The following CEP55 variants were observed in gnomAD, a reference collection of about 807,000 sequenced individuals.
CEP55 encodes the protein centrosomal protein of 55 kDa.
Under a neutral mutation model 63.2 loss-of-function variants are expected in CEP55, and 57 were observed. The ratio of observed to expected loss-of-function variants is 0.90; its 90% CI spans 0.73 to 1.13. The LOEUF is 1.13. CEP55 is among the 50% of genes most tolerant of loss of function. The pLI is 0.00. For missense variants in CEP55, 456 were observed against 518.9 expected (o/e 0.88, Z 1.18); for synonymous variants, 178 against 191.6 (o/e 0.93, Z 0.59).
At position 93,527,943 on chromosome 10, in the gene CEP55, T is replaced by G; in HGVS notation, c.1192-7T>G. 2 of 1,609,408 alleles carry G rather than the reference T, an allele frequency of 1.2e-6. No individual in the cohort carries two copies. Among genetic ancestry groups the G allele is most frequent in the South Asian group, 2.2e-5 (2 of 90,082 alleles). On this transcript the variant is annotated splice_region_variant and splice_polypyrimidine_tract_variant and intron_variant, in intron 8 of 8. Transcript: ENST00000371485. ...ACAAATTCTATTATTTGAAACTTAT[T>G]TTTCAGAAACAGCTTCATGAGTTTG...
chr10:93,528,433 G>A lies in CEP55; in HGVS notation c.*280G>A, dbSNP rs1463150092. On this transcript the variant is annotated 3_prime_UTR_variant, in exon 9 of 9. Coordinates refer to ENST00000371485, the MANE Select transcript of CEP55 (RefSeq NM_018131.5). ...TTGCACTGTCAAAATACTTGGTGAG[G>A]AAAAGATAGCTCAGGTTATTGCTAA... is the stretch of plus-strand genomic sequence containing the variant. 3 of 382,648 alleles carry A rather than the reference G, an allele frequency of 7.8e-6. No individual in the cohort carries two copies. The highest frequency in any genetic ancestry group is 1.4e-5 in the Non-Finnish European group (3 of 212,044). 23.7% of individuals were successfully genotyped at this position (382,648 alleles called of 1,614,324 possible). A position where few individuals can be genotyped will look rare whatever the true frequency, so the allele number is the denominator to read the frequency against.
chr10:93,524,195 A>G (rs2057895114), intron 8 of CEP55, among the ~76,000 whole-genome samples: 1 of 151,004 alleles, frequency 6.6e-6, no homozygotes, highest in African/African-American at 2.5e-5. Context: ...ACCGCTAGCA[A>G]GACTAATAAA....
intron 4 of CEP55, among the ~76,000 whole-genome samples, chr10:93,514,740 ACT>A (rs1242548950): frequency 3.9e-5 from 6 of 152,084 alleles, no homozygotes; most frequent in African/African-American, 1.4e-4. Flanking sequence ...TCAGCTAATC[ACT>A]CACCATGCAG....
chr10:93,528,552 T>C lies in CEP55; in HGVS notation c.*399T>C, dbSNP rs2057948444. On this transcript the variant is annotated 3_prime_UTR_variant, in exon 9 of 9. Transcript: ENST00000371485. The stretch of plus-strand genomic sequence containing the variant: ...CAAGGATCTTAACTGTGTTCGCATT[T>C]TTTATCCAAGCACTTAGAAAACCTA... 1 of 169,566 alleles carries C rather than the reference T, an allele frequency of 5.9e-6. No individual in the cohort carries two copies. The highest frequency in any genetic ancestry group is 1.3e-5 in the Non-Finnish European group (1 of 79,412). The allele number at this position is 169,566 out of a possible 1,614,324, so 10.5% of individuals were successfully genotyped here.
chr10:93,501,053 C>T (rs1368925777), intron 2 of CEP55, among the ~76,000 whole-genome samples: 1 of 152,092 alleles, frequency 6.6e-6, no homozygotes, highest in Non-Finnish European at 1.5e-5. Context: ...ATCTGGTTTT[C>T]CTGTTAATTT....
In CEP55 at chr10:93,528,698, T is replaced by C. The variant is rs2057950072; in HGVS notation, c.*545T>C. 6.5e-6 allele frequency: 1 copy of C among 153,776 alleles called. No homozygotes were observed. The highest frequency in any genetic ancestry group is 1.4e-5 in the Non-Finnish European group (1 of 69,262). The allele number at this position is 153,776 out of a possible 1,614,324, so 9.5% of individuals were successfully genotyped here. On this transcript the variant is annotated 3_prime_UTR_variant, in exon 9 of 9. Transcript: ENST00000371485. ...CTTGATCTTTATTGCTGCTTACCAT[T>C]GAAACTTAACCCAGCTGTGTTCCCC...
chr10:93,520,101 G>T (rs2057843624), intron 8 of CEP55: 1 of 395,816 alleles, frequency 2.5e-6, no homozygotes, highest in South Asian at 2.5e-5. Context: ...GGTAGTCACA[G>T]AATCCTGAAC....
intron 8 of CEP55, among the ~76,000 whole-genome samples, chr10:93,526,603 T>C (rs2057925041): frequency 6.6e-6 from 1 of 152,216 alleles, no homozygotes; most frequent in Non-Finnish European, 1.5e-5. Context: ...CAAAGGAGTA[T>C]AAATCATGCT....
intron 4 of CEP55, among the ~76,000 whole-genome samples, chr10:93,513,730 G>T (rs1589653301): frequency 1.3e-5 from 2 of 152,176 alleles, no homozygotes; most frequent in Admixed American, 1.3e-4. Context: ...TCGAAGTTCA[G>T]ATTACTATGA....
Position 93,517,070 on chromosome 10 carries a change from C to A in CEP55, c.815C>A (p.Thr272Asn), listed in dbSNP as rs1302598210. The A allele has an allele frequency of 1.9e-6, 3 of 1,613,888 alleles. No individual in the cohort carries two copies. In the Admixed American group the frequency reaches 5.0e-5, roughly 27 times the overall value. Residue 272 changes from threonine to asparagine, a missense_variant, in exon 6 of 9, where the codon ACC becomes AAC. Physicochemically the swap from Thr to Asn is moderately conservative, Grantham distance 65 (BLOSUM62 0). Coordinates refer to ENST00000371485, the MANE Select transcript of CEP55 (RefSeq NM_018131.5). Reference protein sequence around the residue: ...LSEFRRKYEETQKEVHNLNQL... With the variant: ...LSEFRRKYEENQKEVHNLNQL... ...GAATTTCGAAGAAAATATGAAGAAACCCAAAAAGAAGTTCACAATTTAAAT... is the reference window on the plus strand; with the variant it reads ...GAATTTCGAAGAAAATATGAAGAAAACCAAAAAGAAGTTCACAATTTAAAT...
intron 4 of CEP55, among the ~76,000 whole-genome samples, chr10:93,513,950 C>T (rs2057775970): frequency 6.9e-6 from 1 of 144,388 alleles, no homozygotes; most frequent in South Asian, 2.4e-4. Flanking sequence ...TCCCCCTCCC[C>T]TTTTTTTTTT....
At chr10:93,525,163 G>T (rs1225855506) in intron 8 of CEP55, among the ~76,000 whole-genome samples, 1 of 152,052 alleles carries the variant, frequency 6.6e-6, no homozygotes, top group African/African-American at 2.4e-5. Flanking sequence ...CCTGTTTGCA[G>T]ATGACATGAT....
At chr10:93,503,981 T>C (rs570872322) in intron 3 of CEP55, among the ~76,000 whole-genome samples, 1 of 152,210 alleles carries the variant, frequency 6.6e-6, no homozygotes, top group Admixed American at 6.5e-5. Context: ...TTCTTTTTTT[T>C]TTTTTTAAAC....
At chr10:93,508,209 C>T (rs892539468) in intron 4 of CEP55, among the ~76,000 whole-genome samples, 4 of 152,066 alleles carry the variant, frequency 2.6e-5, no homozygotes, top group Non-Finnish European at 5.9e-5. Flanking sequence ...AAATTGAGGA[C>T]ACAGGACTGC....
At chr10:93,520,651 G>T (rs755328262) in intron 8 of CEP55, among the ~76,000 whole-genome samples, 16 of 151,716 alleles carry the variant, frequency 1.1e-4, no homozygotes, top group Non-Finnish European at 2.2e-4. Flanking sequence ...CTTGTTGGGG[G>T]TCTGCATTTG....
intron 4 of CEP55, chr10:93,510,740 A>G (rs1176003322): frequency 2.0e-5 from 3 of 152,178 alleles, no homozygotes; most frequent in Admixed American, 6.5e-5. Flanking sequence ...CACAGATAGC[A>G]ACTTTAATAA....
intron 8 of CEP55, among the ~76,000 whole-genome samples, chr10:93,522,291 C>T (rs2057872970): frequency 6.6e-6 from 1 of 152,194 alleles, no homozygotes; most frequent in Non-Finnish European, 1.5e-5. Flanking sequence ...ATGACGAATG[C>T]ACAAGCCTCA....
At chr10:93,519,967 C>A in intron 8 of CEP55, 160 bp downstream of exon 8, 1 of 723,416 alleles carries the variant, frequency 1.4e-6, no homozygotes, top group Non-Finnish European at 2.4e-6. Flanking sequence ...CTTTGAGCAT[C>A]AATTCAGAGG....
At chr10:93,499,544 C>T (rs1462944877) in intron 1 of CEP55, among the ~76,000 whole-genome samples, 16 of 121,844 alleles carry the variant, frequency 1.3e-4, no homozygotes, top group Admixed American at 2.9e-4. Context: ...TTTTTTGAGA[C>T]GGAGTCTTGC....
Sources: gnomAD v4.1 joint callset for allele counts (sites outside exome capture counted in the v4.1 genomes callset) on GRCh38, gnomAD v4.1.1 for gene constraint, MANE v1.5 for transcripts, NCBI Gene and HGNC (gene_info 2026-07-23, HGNC 2026-07-21) for gene names.